PCSK6: variants seen among roughly 807,000 people sequenced by gnomAD.
The protein encoded by PCSK6 is proprotein convertase subtilisin/kexin type 6.
Under a neutral mutation model 123.3 loss-of-function variants are expected in PCSK6, and 85 were observed. The observed-to-expected ratio is 0.69, with a 90% CI of 0.58 to 0.83. PCSK6 has a LOEUF of 0.83. PCSK6 is among the 40% of genes least tolerant of loss of function. The pLI is 0.00. For missense variants in PCSK6, 1,191 were observed against 1,282.3 expected (o/e 0.93, Z 1.09); for synonymous variants, 508 against 516.0 (o/e 0.98, Z 0.21).
intron 13 of PCSK6, among the ~76,000 whole-genome samples, chr15:101,342,761 G>C (rs2040645084): frequency 2.6e-5 from 4 of 152,266 alleles, no homozygotes; most frequent in Admixed American, 2.6e-4. Context: ...AATTAGCTGG[G>C]TGTGGTGGCG....
At chr15:101,479,976 G>C (rs574564250) in intron 1 of PCSK6, among the ~76,000 whole-genome samples, 2 of 152,340 alleles carry the variant, frequency 1.3e-5, no homozygotes, top group East Asian at 3.9e-4. Context: ...ATCTCAAGGT[G>C]ATCTGCTTAA....
intron 6 of PCSK6, among the ~76,000 whole-genome samples, chr15:101,415,537 G>A (rs1421912902): frequency 1.3e-5 from 2 of 152,204 alleles, no homozygotes; most frequent in Non-Finnish European, 2.9e-5. Flanking sequence ...CAGGCCAAAG[G>A]CAGCTTATGG....
intron 12 of PCSK6, among the ~76,000 whole-genome samples, chr15:101,367,473 A>G (rs182393464): frequency 1.1e-4 from 17 of 152,350 alleles, no homozygotes; most frequent in Non-Finnish European, 2.9e-5. Context: ...TCTAGGGAAC[A>G]TTCTTTGCAA....
At chr15:101,488,954 G>A (rs972287144) in intron 1 of PCSK6, among the ~76,000 whole-genome samples, 2 of 149,110 alleles carry the variant, frequency 1.3e-5, no homozygotes, top group African/African-American at 4.9e-5. Flanking sequence ...CCGCTCCCCC[G>A]CGGGGGAGAG....
chr15:101,437,239 C>A (rs1567220827), intron 2 of PCSK6, among the ~76,000 whole-genome samples: 1 of 152,182 alleles, frequency 6.6e-6, no homozygotes, highest in African/African-American at 2.4e-5. Flanking sequence ...TCCAGCAGGG[C>A]AAGAGGGCCA....
chr15:101,430,164 G>A, intron 4 of PCSK6, 101 bp from the exon 5 acceptor site: 3 of 835,920 alleles, frequency 3.6e-6, no homozygotes, highest in Non-Finnish European at 6.1e-6. Flanking sequence ...CCACACGCGG[G>A]GCTCCTCTCT....
Position 101,482,660 on chromosome 15 carries a change from G to A in PCSK6, c.297+6714C>T, listed in dbSNP as rs138110536. On this transcript the variant is annotated intron_variant, in intron 1 of 21. Transcript: ENST00000611716. Reference sequence around the variant, plus strand: ...CTCAAAGCCGGCAGGAGTATCAGGCGGTGTCCCAGCCTCCCCCAGCCCATC... The same window carrying A: ...CTCAAAGCCGGCAGGAGTATCAGGCAGTGTCCCAGCCTCCCCCAGCCCATC... 4.8e-3 allele frequency among the ~76,000 whole-genome samples: 723 copies of A among 152,210 alleles called. 5 individuals are homozygous for A. Among genetic ancestry groups the A allele is most frequent in the Middle Eastern group, 0.027 (8 of 292 alleles).
intron 12 of PCSK6, among the ~76,000 whole-genome samples, chr15:101,369,064 G>A (rs575188337): frequency 6.6e-5 from 10 of 152,098 alleles, no homozygotes; most frequent in Non-Finnish European, 1.3e-4. Flanking sequence ...GGGATGGGCT[G>A]AGCTTGGTGC....
At position 101,427,773 on chromosome 15, in the gene PCSK6, G is replaced by A. The variant is rs112497153; in HGVS notation, c.823+119C>T. The A allele has an allele frequency of 1.7e-3, 1,182 of 711,390 alleles. 10 individuals carry two copies. In the African/African-American group the frequency reaches 0.018, roughly 11 times the overall value. 44.1% of individuals were successfully genotyped at this position (711,390 alleles called of 1,614,324 possible). On this transcript the variant is annotated intron_variant, in intron 6 of 21. Coordinates refer to ENST00000611716, the MANE Select transcript of PCSK6 (RefSeq NM_002570.5). The stretch of plus-strand genomic sequence containing the variant: ...GACGGCACTGCTGCGTCTGGCCCAG[G>A]GGTCTGCTGACATGGCCAAAGCCAA...
chr15:101,372,379 T>A lies in PCSK6; in HGVS notation c.1533-1856A>T, dbSNP rs543251755. Among the ~76,000 whole-genome samples the A allele has an allele frequency of 3.3e-5, 5 of 152,278 alleles. No individual in the cohort carries two copies. In the South Asian group the frequency reaches 1.0e-3, roughly 32 times the overall value. ...CTGGGCCCTGAGTCATAAAAAACAA[T>A]CAAAACAGTTATAAACAGTGATGTA... On this transcript the variant is annotated intron_variant, in intron 11 of 21. Transcript: ENST00000611716.
chr15:101,409,524 G>T (rs2141614714), intron 6 of PCSK6, among the ~76,000 whole-genome samples: 1 of 151,114 alleles, frequency 6.6e-6, no homozygotes, highest in Admixed American at 6.6e-5. Flanking sequence ...GGCGGAGCTT[G>T]CAGTGAGCCG....
At chr15:101,483,352 C>T (rs1007942247) in intron 1 of PCSK6, among the ~76,000 whole-genome samples, 2 of 152,226 alleles carry the variant, frequency 1.3e-5, no homozygotes, top group African/African-American at 4.8e-5. Context: ...CGTGCAGGCT[C>T]ACCTGAAATT....
rs1456591880 is a variant in PCSK6, at chr15:101,331,684, A to G, written c.2044T>C (p.Ser682Pro). The change falls in exon 15 of 22, where the codon TCC (serine) becomes CCC (proline). Residue 682 changes from serine to proline, a missense_variant. Physicochemically the swap from Ser to Pro is moderately conservative, Grantham distance 74 (BLOSUM62 -1). Coordinates refer to ENST00000611716, the MANE Select transcript of PCSK6 (RefSeq NM_002570.5). ...AAAATATTAGCAGAGCCTGGGGTGGATTGAGCTGTGTGAGTGCAAATTGCC... is the reference window on the plus strand; with the variant it reads ...AAAATATTAGCAGAGCCTGGGGTGGGTTGAGCTGTGTGAGTGCAAATTGCC... ...PEDEEDYTAQSTPGSANILQT... is the reference protein window; with the variant it reads ...PEDEEDYTAQPTPGSANILQT... 1 of 1,613,564 alleles carries G rather than the reference A, an allele frequency of 6.2e-7. No homozygotes were observed. Among genetic ancestry groups the G allele is most frequent in the South Asian group, 1.1e-5 (1 of 90,960 alleles).
chr15:101,339,914 T>G (rs1340152128), intron 13 of PCSK6, among the ~76,000 whole-genome samples: 1 of 68,568 alleles, frequency 1.5e-5, no homozygotes, highest in African/African-American at 1.5e-4. Flanking sequence ...TTTCTCAATA[T>G]ATATATATAT....
Position 101,479,641 on chromosome 15 carries a change from G to A in PCSK6, c.297+9733C>T, listed in dbSNP as rs76947317. ...ACATCTGGTTTCCCATCTGGAGGACGGGGTACAAGATAGGTGAGCAGAACG... is the reference window on the plus strand; with the variant it reads ...ACATCTGGTTTCCCATCTGGAGGACAGGGTACAAGATAGGTGAGCAGAACG... On this transcript the variant is annotated intron_variant, in intron 1 of 21. Transcript: ENST00000611716. Among the ~76,000 whole-genome samples, 606 of 152,302 alleles carry A rather than the reference G, an allele frequency of 4.0e-3. 6 individuals are homozygous for A. Among genetic ancestry groups the A allele is most frequent in the African/African-American group, 0.014 (590 of 41,564 alleles).
chr15:101,397,149 G>T (rs1405193374), intron 7 of PCSK6, among the ~76,000 whole-genome samples: 3 of 152,198 alleles, frequency 2.0e-5, no homozygotes, highest in African/African-American at 4.8e-5. Flanking sequence ...GGGCAGCAGG[G>T]CTAGGGGTCT....
intron 11 of PCSK6, among the ~76,000 whole-genome samples, chr15:101,373,867 A>G (rs1357589004): frequency 6.6e-6 from 1 of 152,256 alleles, no homozygotes; most frequent in East Asian, 1.9e-4. Context: ...TCACGTGAAT[A>G]CACCTACATT....
chr15:101,458,413 C>T (rs578116620), intron 1 of PCSK6, among the ~76,000 whole-genome samples: 11 of 152,184 alleles, frequency 7.2e-5, no homozygotes, highest in South Asian at 6.2e-4. Context: ...CAATGTGGCC[C>T]GGGCTATACA....
At chr15:101,328,446 CT>C (rs1310774649) in intron 15 of PCSK6, among the ~76,000 whole-genome samples, 1 of 152,178 alleles carries the variant, frequency 6.6e-6, no homozygotes, top group Non-Finnish European at 1.5e-5. Context: ...TGCTCAATCA[CT>C]ATTTGCTGAG....
Sources: allele counts gnomAD v4.1 joint callset (sites outside exome capture counted in the v4.1 genomes callset), GRCh38; gene constraint gnomAD v4.1.1; transcripts MANE v1.5; gene names NCBI Gene and HGNC (gene_info 2026-07-23, HGNC 2026-07-21).